The following SPINK5 variants were observed in gnomAD, a reference collection of about 807,000 sequenced individuals.
The protein encoded by SPINK5 is serine protease inhibitor Kazal-type 5.
SPINK5 carries 125 observed loss-of-function variants against 151.8 expected under a neutral mutation model. The ratio of observed to expected loss-of-function variants is 0.82; its 90% CI spans 0.71 to 0.96. The LOEUF is 0.96. Ranked by LOEUF, SPINK5 falls within the 40% of genes least tolerant of loss-of-function variation. The pLI is 0.00. For synonymous variants in SPINK5, 374 were observed against 395.3 expected (o/e 0.95, Z 0.64); for missense variants, 1,194 against 1,291.9 (o/e 0.92, Z 1.16).
chr5:148,069,629 T>C (rs918681856), intron 2 of SPINK5, among the ~76,000 whole-genome samples: 68 of 152,132 alleles, frequency 4.5e-4, no homozygotes, highest in Non-Finnish European at 6.2e-4. Flanking sequence ...GTATGGGTAC[T>C]TTCTAAAAAA....
intron 18 of SPINK5, among the ~76,000 whole-genome samples, chr5:148,110,691 C>T (rs1310955373): frequency 6.6e-6 from 1 of 151,950 alleles, no homozygotes; most frequent in African/African-American, 2.4e-5. Context: ...TATGAGAACA[C>T]ATGGACACAG....
intron 9 of SPINK5, 92 bp from the exon 10 acceptor site, chr5:148,095,726 G>T: frequency 9.0e-7 from 1 of 1,111,894 alleles, no homozygotes; most frequent in African/African-American, 1.5e-5. Flanking sequence ...TAAAACTCAG[G>T]ACAACTTAGA....
Position 148,123,905 on chromosome 5 carries a change from C to T in SPINK5, c.2611C>T (p.Arg871Ter), listed in dbSNP as rs1340491788. ...CTGCACCAGAGAAAATAACCCTGTT[C>T]GAGGCCCATATGGCAAGATGCACAT... ...LICTRENNPV[R>*]GPYGKMHINK... Residue 871 changes from arginine (R) to a stop codon, truncating the protein, a stop_gained, in exon 27 of 33, where the codon CGA becomes TGA. Coordinates refer to ENST00000256084, the MANE Select transcript of SPINK5 (RefSeq NM_006846.4). LOFTEE classifies it high-confidence loss of function. The T allele has an allele frequency of 4.3e-6, 7 of 1,613,864 alleles. No individual in the cohort carries two copies. The highest frequency in any genetic ancestry group is 1.7e-5 in the Admixed American group (1 of 59,998).
At chr5:148,127,829 GC>G (rs952708038) in intron 30 of SPINK5, among the ~76,000 whole-genome samples, 1 of 152,136 alleles carries the variant, frequency 6.6e-6, no homozygotes. Context: ...CTGCACTCCA[GC>G]CTGGGTGACA....
At chr5:148,068,578 A>AAAAAAAAAAAAG (rs1554101972) in intron 2 of SPINK5, among the ~76,000 whole-genome samples, 1 of 74,350 alleles carries the variant, frequency 1.3e-5, no homozygotes, top group Non-Finnish European at 2.2e-5. Flanking sequence ...AAAAAAAAAA[A>AAAAAAAAAAAAG]AAAGAAAGAA....
At chr5:148,124,326 C>T (rs749716039) in intron 27 of SPINK5, among the ~76,000 whole-genome samples, 5 of 152,046 alleles carry the variant, frequency 3.3e-5, no homozygotes, top group East Asian at 1.9e-4. Context: ...ATTATACCTA[C>T]GTAAATAACA....
intron 8 of SPINK5, among the ~76,000 whole-genome samples, chr5:148,093,354 T>G (rs1202255307): frequency 6.6e-6 from 1 of 151,724 alleles, no homozygotes; most frequent in Non-Finnish European, 1.5e-5. Context: ...TTTTTTTTGG[T>G]GGGGGGAAGT....
intron 26 of SPINK5, among the ~76,000 whole-genome samples, chr5:148,120,766 G>A (rs140192747): frequency 5.4e-4 from 82 of 152,204 alleles, no homozygotes; most frequent in African/African-American, 1.8e-3. Flanking sequence ...ATGAGCCATC[G>A]CACTCTGCTG....
chr5:148,128,168 T>C (rs930592008), intron 30 of SPINK5, among the ~76,000 whole-genome samples: 1 of 152,130 alleles, frequency 6.6e-6, no homozygotes, highest in African/African-American at 2.4e-5. Context: ...TTCTGGTAAA[T>C]TGAGCTCCAC....
chr5:148,094,414 A>C lies in SPINK5; in HGVS notation c.727A>C (p.Ser243Arg). 2 of 1,612,928 alleles carry C rather than the reference A, an allele frequency of 1.2e-6. No homozygotes were observed. Among genetic ancestry groups the C allele is most frequent in the Non-Finnish European group, 1.7e-6 (2 of 1,179,182 alleles). ...RNGRLFCTRE[S>R]DPVRGPDGRM... ...TGGAAGGCTTTTTTGTACACGGGAG[A>C]GTGATCCAGTCCGTGGCCCTGACGG... Residue 243 changes from serine (S) to arginine (R), a missense_variant, in exon 9 of 33, where the codon AGT becomes CGT. By Grantham distance (110) the Ser-to-Arg change is moderately radical (BLOSUM62 -1). Transcript: ENST00000256084.
rs1753401279 is a variant in SPINK5, at chr5:148,094,444, A to C, written c.757A>C (p.Met253Leu). 1 of 1,612,814 alleles carries C rather than the reference A, an allele frequency of 6.2e-7. No homozygotes were observed. ...TCCAGTCCGTGGCCCTGACGGCAGGATGCATGGCAACAAATGTGCCCTGTG... is the reference window on the plus strand; with the variant it reads ...TCCAGTCCGTGGCCCTGACGGCAGGCTGCATGGCAACAAATGTGCCCTGTG... The part of the protein sequence containing the change: ...SDPVRGPDGR[M>L]HGNKCALCAE... The change falls in exon 9 of 33, where the codon ATG (methionine) becomes CTG (leucine). Residue 253 changes from methionine to leucine, a missense_variant. Coordinates refer to ENST00000256084, the MANE Select transcript of SPINK5 (RefSeq NM_006846.4).
chr5:148,123,119 C>T (rs6895078), intron 26 of SPINK5, among the ~76,000 whole-genome samples: 120,970 of 151,138 alleles, frequency 0.8, 48,558 homozygotes, highest in East Asian at 0.92. Flanking sequence ...GAGGCCAATG[C>T]GAGAGGATCA....
At chr5:148,105,661 G>T (rs975147341) in intron 16 of SPINK5, among the ~76,000 whole-genome samples, 1 of 151,916 alleles carries the variant, frequency 6.6e-6, no homozygotes, top group African/African-American at 2.4e-5. Flanking sequence ...TGTTGCCCAG[G>T]CTAGAGTGCA....
intron 16 of SPINK5, among the ~76,000 whole-genome samples, chr5:148,106,807 A>G (rs771102596): frequency 2.2e-4 from 34 of 152,254 alleles, no homozygotes; most frequent in Non-Finnish European, 3.8e-4. Flanking sequence ...AGACCATGCT[A>G]TGCAACACAA....
At chr5:148,128,778 C>T (rs1194298522) in intron 30 of SPINK5, among the ~76,000 whole-genome samples, 5 of 152,186 alleles carry the variant, frequency 3.3e-5, no homozygotes, top group Non-Finnish European at 7.3e-5. Flanking sequence ...CCGCCTCGGC[C>T]TCCCAAAGTG....
At position 148,115,334 on chromosome 5, in the gene SPINK5, A is replaced by T. The variant is rs538642766; in HGVS notation, c.2015+845A>T. On this transcript the variant is annotated intron_variant, in intron 21 of 32. Transcript: ENST00000256084. ...CCTTGAATGCACACCAGAGATTTCG[A>T]GGTCAATTCTACATGTAATGGGAAG... Among the ~76,000 whole-genome samples the T allele has an allele frequency of 3.9e-5, 6 of 152,322 alleles. No individual in the cohort carries two copies. The East Asian group carries it at 1.2e-3, about 29-fold the overall frequency.
rs1753257324 is a variant in SPINK5 at position 148,089,637 on chromosome 5, C to T, written c.602+16C>T. ...CTGAGCTGTTGTAAGTAGCATCATC[C>T]CCAGGTGGACTTGATGATGATGCAC... On this transcript the variant is annotated intron_variant, in intron 7 of 32. Coordinates refer to ENST00000256084, the MANE Select transcript of SPINK5 (RefSeq NM_006846.4). 4 of 1,611,270 alleles carry T rather than the reference C, an allele frequency of 2.5e-6. No individual in the cohort carries two copies. The highest frequency in any genetic ancestry group is 1.1e-5 in the South Asian group (1 of 91,032).
rs1754222214 is a variant in SPINK5 at position 148,120,318 on chromosome 5, AAAAG to A, written c.2471_2474del (p.Lys824ArgfsTer99). On this transcript the variant is annotated frameshift_variant, in exon 26 of 33. Coordinates refer to ENST00000256084, the MANE Select transcript of SPINK5 (RefSeq NM_006846.4). LOFTEE classifies it high-confidence loss of function. ...AGGGAAAGGGAAGCAGCTGAAAAAAAAAAGAAAGAGGATGAAGACAGGAGCAATA... is the reference window on the plus strand; with the variant it reads ...AGGGAAAGGGAAGCAGCTGAAAAAAAAAAGAGGATGAAGACAGGAGCAATA... 22 of 1,606,126 alleles carry A rather than the reference AAAAG, an allele frequency of 1.4e-5. No individual in the cohort carries two copies. Among genetic ancestry groups the A allele is most frequent in the Non-Finnish European group, 1.9e-5 (22 of 1,175,450 alleles).
In SPINK5 at chr5:148,131,499, A is replaced by G. The variant is rs1259109812; in HGVS notation, c.3095+110A>G. 2.7e-6 allele frequency: 4 copies of G among 1,490,010 alleles called. No individual in the cohort carries two copies. In the Admixed American group the frequency reaches 6.8e-5, roughly 25 times the overall value. The allele number at this position is 1,490,010 out of a possible 1,614,324, so 92.3% of individuals were successfully genotyped here. A position where few individuals can be genotyped will look rare whatever the true frequency, so the allele number is the denominator to read the frequency against. On this transcript the variant is annotated intron_variant, in intron 31 of 32. Coordinates refer to ENST00000256084, the MANE Select transcript of SPINK5 (RefSeq NM_006846.4). Reference sequence around the variant, plus strand: ...ATTCGAAATGTGTTGCAAGTAATTTATTCATCATAGAAGTTAAAAATTCAA... The same window carrying G: ...ATTCGAAATGTGTTGCAAGTAATTTGTTCATCATAGAAGTTAAAAATTCAA...
Sources: allele counts gnomAD v4.1 joint callset (sites outside exome capture counted in the v4.1 genomes callset), GRCh38; gene constraint gnomAD v4.1.1; transcripts MANE v1.5; gene names NCBI Gene and HGNC (gene_info 2026-07-23, HGNC 2026-07-21).